Variants in KIF25 observed in about 807,000 individuals in gnomAD.
The protein encoded by KIF25 is kinesin-like protein KIF25.
In KIF25, 19 loss-of-function variants were observed where a neutral mutation model predicts 32.9. The observed-to-expected ratio is 0.58, with a 90% confidence interval of 0.40 to 0.85. The LOEUF (loss-of-function observed/expected upper bound fraction) is 0.85. Among genes scored for constraint, KIF25 ranks in the 40% least tolerant of loss-of-function variants. KIF25 has a pLI of 0.00. For synonymous variants in KIF25, 225 were observed against 213.7 expected (o/e 1.05, Z -0.46); for missense variants, 485 against 507.0 (o/e 0.96, Z 0.42).
At chr6:168,004,506 C>A (rs1798551926) in intron 4 of KIF25, among the ~76,000 whole-genome samples, 1 of 152,188 alleles carries the variant, frequency 6.6e-6, no homozygotes, top group African/African-American at 2.4e-5. Context: ...TGATGTCCTT[C>A]CTGTAGGAAA....
At chr6:168,035,594 C>A in intron 8 of KIF25, 1 of 423,146 alleles carries the variant, frequency 2.4e-6, no homozygotes, top group Non-Finnish European at 4.8e-6. Context: ...AGGAAGATGG[C>A]CAGGCGGCTG....
intron 7 of KIF25, among the ~76,000 whole-genome samples, chr6:168,032,264 G>T (rs1046982442): frequency 6.6e-6 from 1 of 152,216 alleles, no homozygotes; most frequent in Non-Finnish European, 1.5e-5. Flanking sequence ...TGGCTGGGGG[G>T]CCTTAGAATT....
intron 8 of KIF25, among the ~76,000 whole-genome samples, chr6:168,035,544 A>G (rs1296065830): frequency 8.5e-6 from 1 of 117,138 alleles, no homozygotes; most frequent in Non-Finnish European, 1.7e-5. Context: ...AGCACTGGGA[A>G]GAGCTGTTAG....
intron 4 of KIF25, among the ~76,000 whole-genome samples, chr6:168,014,330 C>G (rs542915266): frequency 6.6e-6 from 1 of 152,168 alleles, no homozygotes; most frequent in Non-Finnish European, 1.5e-5. Context: ...TTCCTTGTTA[C>G]TTTATTCATT....
intron 2 of KIF25, among the ~76,000 whole-genome samples, chr6:168,001,139 G>A (rs147341454): frequency 5.5e-4 from 84 of 152,342 alleles, no homozygotes; most frequent in South Asian, 2.1e-3. Context: ...TCAGTGTGGC[G>A]CGGGACAGGC....
intron 4 of KIF25, among the ~76,000 whole-genome samples, chr6:168,007,222 C>T (rs776486729): frequency 3.3e-5 from 5 of 152,064 alleles, no homozygotes. Context: ...ACCAGCCTGG[C>T]CAACATGGTG....
At chr6:168,032,122 G>A (rs1290550660) in intron 7 of KIF25, among the ~76,000 whole-genome samples, 1 of 151,934 alleles carries the variant, frequency 6.6e-6, no homozygotes, top group African/African-American at 2.4e-5. Context: ...CTTATCAGAT[G>A]TAAGATCTGT....
intron 8 of KIF25, among the ~76,000 whole-genome samples, chr6:168,035,197 T>C (rs1798998508): frequency 6.6e-6 from 1 of 151,168 alleles, no homozygotes; most frequent in African/African-American, 2.4e-5. Context: ...GACACCACGG[T>C]GGAAGGGGGC....
At chr6:168,005,540 G>C (rs1212422024) in intron 4 of KIF25, among the ~76,000 whole-genome samples, 1 of 152,180 alleles carries the variant, frequency 6.6e-6, no homozygotes, top group Non-Finnish European at 1.5e-5. Context: ...GGGACAGAAC[G>C]AATGGAATAG....
rs1340671484 is a variant in KIF25 at position 168,042,131 on chromosome 6, C to T, written c.809C>T (p.Ser270Leu). 4.3e-5 allele frequency: 66 copies of T among 1,549,554 alleles called. No homozygotes were observed. The highest frequency in any genetic ancestry group is 5.1e-5 in the Non-Finnish European group (59 of 1,147,072). ...QVQARLQLVD[S>L]AGSECVGVSG... ...CAGGCTCGACTACAGCTCGTGGACT[C>T]GGCCGGCAGCGAGTGCGTTGGTGAG... Residue 270 changes from serine to leucine, a missense_variant, in exon 11 of 13, where the codon TCG (serine) becomes TTG (leucine). Transcript: ENST00000643607.
intron 4 of KIF25, among the ~76,000 whole-genome samples, chr6:168,017,431 C>T (rs963833597): frequency 6.6e-5 from 10 of 152,188 alleles, no homozygotes; most frequent in Admixed American, 5.9e-4. Context: ...TTTCAGATTT[C>T]TTGCTGAAAA....
chr6:168,043,940 G>T (rs1043893149), intron 12 of KIF25, among the ~76,000 whole-genome samples: 15 of 152,370 alleles, frequency 9.8e-5, no homozygotes, highest in African/African-American at 3.6e-4. Flanking sequence ...GCCCCAGGGG[G>T]GCCTGAGGGA....
At chr6:168,003,578 A>G (rs1798534956) in intron 3 of KIF25, 36 bp from the exon 4 acceptor site, 1 of 152,206 alleles carries the variant, frequency 6.6e-6, no homozygotes, top group Non-Finnish European at 1.5e-5. Context: ...CAATTTCTTC[A>G]TGATGTGTAT....
At position 168,034,869 on chromosome 6, in the gene KIF25, G is replaced by A. The variant is rs80095805; in HGVS notation, c.317+838G>A. Among the ~76,000 whole-genome samples, 763 of 152,210 alleles carry A rather than the reference G, an allele frequency of 5.0e-3. 6 individuals carry two copies. Among genetic ancestry groups the A allele is most frequent in the African/African-American group, 0.018 (735 of 41,530 alleles). ...GGGAAAAATAAAATAGTAAAAAGTC[G>A]TCTCAGTGGCCGGGCGCGGTGGTTC... On this transcript the variant is annotated intron_variant, in intron 8 of 12. Transcript: ENST00000643607.
In KIF25 at chr6:168,005,260, G is replaced by A. The variant is rs114660349; in HGVS notation, c.-163+1557G>A. ...CTCTATCCTCCTAGGGTCCCTGGTG[G>A]AGCCTGAGAATGGAATTGGCCTAAG... is the stretch of plus-strand genomic sequence containing the variant. On this transcript the variant is annotated intron_variant, in intron 4 of 12. Transcript: ENST00000643607. 8.5e-3 allele frequency among the ~76,000 whole-genome samples: 1,292 copies of A among 152,298 alleles called. 23 individuals are homozygous for A. The highest frequency in any genetic ancestry group is 0.03 in the African/African-American group (1,229 of 41,568).
chr6:168,017,202 C>CAA, intron 4 of KIF25, among the ~76,000 whole-genome samples: 1 of 133,786 alleles, frequency 7.5e-6, no homozygotes, highest in Non-Finnish European at 1.7e-5. Flanking sequence ...GACACACACA[C>CAA]ACAGACACAC....
In KIF25 at chr6:168,033,929, G is replaced by A. The variant is rs371379317; in HGVS notation, c.215G>A (p.Ser72Asn). Residue 72 changes from serine (S) to asparagine (N), a missense_variant, in exon 8 of 13, where the codon AGC becomes AAC. Physicochemically the swap from Ser to Asn is conservative, Grantham distance 46. Transcript: ENST00000643607. Reference protein sequence around the residue: ...MAYGQTGSGKSYTMLGRHSDD... With the variant: ...MAYGQTGSGKNYTMLGRHSDD... ...TATGGACAGACGGGCAGCGGAAAGA[G>A]CTATACCATGCTGGGACGCCATTCG... The A allele has an allele frequency of 3.3e-5, 53 of 1,614,190 alleles. 2 individuals carry two copies. The East Asian group carries it at 3.3e-4, about 10-fold the overall frequency.
Position 168,003,660 on chromosome 6 carries a change from C to T in KIF25, c.-206C>T, listed in dbSNP as rs564491331. 2.0e-5 allele frequency: 3 copies of T among 152,360 alleles called. No individual in the cohort carries two copies. Among genetic ancestry groups the T allele is most frequent in the Non-Finnish European group, 2.9e-5 (2 of 68,034 alleles). 9.4% of individuals were successfully genotyped at this position (152,360 alleles called of 1,614,324 possible). ...CCATGCTGTTGATGACCTGAGTCTA[C>T]AAGTTTCCTCACAAATTGTATTCAG... On this transcript the variant is annotated 5_prime_UTR_variant, in exon 4 of 13. Coordinates refer to ENST00000643607, the MANE Select transcript of KIF25 (RefSeq NM_030615.4).
intron 8 of KIF25, among the ~76,000 whole-genome samples, chr6:168,037,710 A>T (rs1458183152): frequency 6.6e-6 from 1 of 152,184 alleles, no homozygotes; most frequent in Non-Finnish European, 1.5e-5. Context: ...AAGCCAGTGC[A>T]TAGTTCTTTA....
Sources: gnomAD v4.1 joint callset for allele counts (sites outside exome capture counted in the v4.1 genomes callset) on GRCh38, gnomAD v4.1.1 for gene constraint, MANE v1.5 for transcripts, NCBI Gene and HGNC (gene_info 2026-07-23, HGNC 2026-07-21) for gene names.